Variants in GSG1L observed in about 807,000 individuals in gnomAD.
The protein encoded by GSG1L is GSG1 like, also known as germ cell-specific gene 1-like protein.
In GSG1L, 24 loss-of-function variants were observed where a neutral mutation model predicts 42.1. The observed-to-expected ratio is 0.57, with a 90% CI of 0.41 to 0.80. The LOEUF (loss-of-function observed/expected upper bound fraction) is 0.80, where lower values mean the gene tolerates loss of function less well. GSG1L is among the 30% of genes least tolerant of loss of function. The pLI, the probability that GSG1L is intolerant of heterozygous loss-of-function variation, is 0.00. For synonymous variants in GSG1L, 215 were observed against 203.5 expected, an observed-to-expected ratio of 1.06 and a Z score of -0.48; for missense variants, 445 against 472.2, an observed-to-expected ratio of 0.94 and a Z score of 0.53.
intron 6 of GSG1L, among the ~76,000 whole-genome samples, chr16:27,799,833 G>C (rs996535882): frequency 1.3e-5 from 2 of 152,162 alleles, no homozygotes; most frequent in Middle Eastern, 3.2e-3. Context: ...TCTAGAAGTT[G>C]CTGAATAGCC....
At chr16:27,902,933 G>A (rs535547340) in intron 2 of GSG1L, among the ~76,000 whole-genome samples, 178 of 152,232 alleles carry the variant, frequency 1.2e-3, no homozygotes, top group African/African-American at 4.1e-3. Flanking sequence ...GCTGCAGCTG[G>A]GAGGTGGCAG....
At chr16:27,944,359 C>T (rs1266052189) in intron 2 of GSG1L, among the ~76,000 whole-genome samples, 2 of 152,074 alleles carry the variant, frequency 1.3e-5, no homozygotes, top group Non-Finnish European at 2.9e-5. Flanking sequence ...TGGTGGCTTA[C>T]TCCTGTAATC....
At chr16:27,951,149 T>C (rs1486222859) in intron 2 of GSG1L, among the ~76,000 whole-genome samples, 1 of 152,194 alleles carries the variant, frequency 6.6e-6, no homozygotes, top group Non-Finnish European at 1.5e-5. Flanking sequence ...CAGTCTGCCC[T>C]GCCTCCGAGA....
chr16:28,061,579 T>C (rs1188648520), intron 1 of GSG1L, among the ~76,000 whole-genome samples: 1 of 152,118 alleles, frequency 6.6e-6, no homozygotes, highest in African/African-American at 2.4e-5. Context: ...AGACCTACTA[T>C]GCGCTAGACA....
At chr16:27,947,388 GAA>G (rs1417746503) in intron 2 of GSG1L, among the ~76,000 whole-genome samples, 38 of 50,868 alleles carry the variant, frequency 7.5e-4, no homozygotes, top group African/African-American at 2.8e-3. Context: ...GAAAGAAAAA[GAA>G]AGAAAGAAAG....
intron 4 of GSG1L, among the ~76,000 whole-genome samples, chr16:27,841,797 G>A (rs1422340938): frequency 6.6e-6 from 1 of 152,162 alleles, no homozygotes; most frequent in Non-Finnish European, 1.5e-5. Flanking sequence ...AGGGAGCAGA[G>A]GAGCAGGGCA....
At chr16:27,866,641 G>A (rs2083729028) in intron 3 of GSG1L, among the ~76,000 whole-genome samples, 1 of 152,010 alleles carries the variant, frequency 6.6e-6, no homozygotes, top group South Asian at 2.1e-4. Flanking sequence ...GTGTGATCTT[G>A]GCTCACTTCA....
At position 27,863,273 on chromosome 16, in the gene GSG1L, C is replaced by T. The variant is rs551679830; in HGVS notation, c.551-18212G>A. 4 of 152,304 alleles carry T rather than the reference C, an allele frequency of 2.6e-5. No homozygotes were observed. The East Asian group carries it at 7.7e-4, about 29-fold the overall frequency. 9.4% of individuals were successfully genotyped at this position (152,304 alleles called of 1,614,324 possible). ...TCAGTGCTCATTTCATCAGCATATA[C>T]ATTAAAATTGGGATGATAAGGGAAG... On this transcript the variant is annotated intron_variant, in intron 3 of 6. Transcript: ENST00000447459.
In GSG1L at chr16:28,042,463, G is replaced by GT. The variant is rs2086118153; in HGVS notation, c.349+20612dup. Among the ~76,000 whole-genome samples, 3 of 149,672 alleles carry GT rather than the reference G, an allele frequency of 2.0e-5. No individual in the cohort carries two copies. The South Asian group carries it at 6.3e-4, about 31-fold the overall frequency. On this transcript the variant is annotated intron_variant, in intron 1 of 6. Coordinates refer to ENST00000447459, the MANE Select transcript of GSG1L (RefSeq NM_001109763.2). ...AAAAAAAAAAAAAAAGTCATAAAAT[G>GT]TAAGTAAATCCCAACAACAGAGAAA...
At chr16:27,930,484 G>A (rs1470120620) in intron 2 of GSG1L, among the ~76,000 whole-genome samples, 1 of 152,210 alleles carries the variant, frequency 6.6e-6, no homozygotes, top group African/African-American at 2.4e-5. Flanking sequence ...GTAAGCTCCA[G>A]GAAGACAGGA....
At chr16:27,860,265 TCACAGGCTCA>T (rs2083630317) in intron 3 of GSG1L, among the ~76,000 whole-genome samples, 1 of 152,152 alleles carries the variant, frequency 6.6e-6, no homozygotes, top group Non-Finnish European at 1.5e-5. Flanking sequence ...AGACCCTAGG[TCACAGGCTCA>T]CACAGGCTCA....
At chr16:27,886,823 G>A (rs986258729) in intron 2 of GSG1L, among the ~76,000 whole-genome samples, 4 of 152,158 alleles carry the variant, frequency 2.6e-5, no homozygotes, top group African/African-American at 4.8e-5. Context: ...AAGGAACTAC[G>A]GACCAGGCAT....
At chr16:27,882,187 C>G (rs2083966413) in intron 3 of GSG1L, among the ~76,000 whole-genome samples, 1 of 152,138 alleles carries the variant, frequency 6.6e-6, no homozygotes. Context: ...AAGAGCAGTT[C>G]CCCTGCACAT....
At chr16:27,814,403 T>C (rs1184968221) in intron 5 of GSG1L, among the ~76,000 whole-genome samples, 4 of 152,178 alleles carry the variant, frequency 2.6e-5, no homozygotes, top group Non-Finnish European at 4.4e-5. Context: ...TGAGCCACTG[T>C]ACCCGGCCCC....
intron 2 of GSG1L, among the ~76,000 whole-genome samples, chr16:27,949,735 C>T (rs2084930103): frequency 6.6e-6 from 1 of 152,074 alleles, no homozygotes; most frequent in African/African-American, 2.4e-5. Flanking sequence ...ACCATCCTGG[C>T]TAACACGATG....
In GSG1L at chr16:27,791,127, C is replaced by A. The variant is rs1041713242; in HGVS notation, c.*243G>T. On this transcript the variant is annotated 3_prime_UTR_variant, in exon 7 of 7. Coordinates refer to ENST00000447459, the MANE Select transcript of GSG1L (RefSeq NM_001109763.2). Reference sequence around the variant, plus strand: ...GGCTCATGTGATGATGGCAAGAGTCCGGGGCTGCTGTCCCAAAGTCACTCT... The same window carrying A: ...GGCTCATGTGATGATGGCAAGAGTCAGGGGCTGCTGTCCCAAAGTCACTCT... 2 of 363,772 alleles carry A rather than the reference C, an allele frequency of 5.5e-6. No individual in the cohort carries two copies. Among genetic ancestry groups the A allele is most frequent in the Non-Finnish European group, 9.8e-6 (2 of 204,052 alleles). 22.5% of individuals were successfully genotyped at this position (363,772 alleles called of 1,614,324 possible). A position where few individuals can be genotyped will look rare whatever the true frequency, so the allele number is the denominator to read the frequency against.
At chr16:28,016,654 A>AT (rs1287481935) in intron 1 of GSG1L, among the ~76,000 whole-genome samples, 1 of 152,184 alleles carries the variant, frequency 6.6e-6, no homozygotes, top group African/African-American at 2.4e-5. Context: ...AACCCCACCA[A>AT]AACACTATGC....
chr16:27,812,132 T>C (rs974959852), intron 5 of GSG1L, among the ~76,000 whole-genome samples: 2 of 152,180 alleles, frequency 1.3e-5, no homozygotes, highest in Non-Finnish European at 2.9e-5. Flanking sequence ...CCAAGCCTTG[T>C]TGCCCAGAGA....
intron 5 of GSG1L, chr16:27,823,754 C>T: frequency 1.5e-6 from 1 of 663,612 alleles, no homozygotes; most frequent in Non-Finnish European, 2.8e-6. Flanking sequence ...ATTGTGTGCC[C>T]AGGTCCTAGC....
Sources: gnomAD v4.1 joint callset for allele counts (sites outside exome capture counted in the v4.1 genomes callset) on GRCh38, gnomAD v4.1.1 for gene constraint, MANE v1.5 for transcripts, NCBI Gene and HGNC (gene_info 2026-07-23, HGNC 2026-07-21) for gene names.